CDH22: variants seen among roughly 807,000 people sequenced by gnomAD.
CDH22 encodes cadherin 22, also known as cadherin-22.
A neutral mutation model predicts 58.4 loss-of-function variants in CDH22; 30 were observed. The ratio of observed to expected loss-of-function variants is 0.51; its 90% confidence interval spans 0.38 to 0.70. The LOEUF is 0.70. Among genes scored for constraint, CDH22 ranks in the 30% least tolerant of loss-of-function variants. The pLI is 0.00. For missense variants in CDH22, 1,014 were observed against 1,233.9 expected, an observed-to-expected ratio of 0.82 and a Z score of 2.67; for synonymous variants, 513 against 558.2, an observed-to-expected ratio of 0.92 and a Z score of 1.14.
At position 46,250,919 on chromosome 20, in the gene CDH22, G is replaced by C. The variant is rs948031852; in HGVS notation, c.255+121C>G. On this transcript the variant is annotated intron_variant, in intron 2 of 11. Coordinates refer to ENST00000537909, the MANE Select transcript of CDH22 (RefSeq NM_021248.3). Reference sequence around the variant, plus strand: ...GGCCCCCTTATCAGTCCTTGGCTAGGGAGCAGAAGAGGCACATGAAACATG... The same window carrying C: ...GGCCCCCTTATCAGTCCTTGGCTAGCGAGCAGAAGAGGCACATGAAACATG... The C allele has an allele frequency of 4.7e-6, 3 of 639,716 alleles. No homozygotes were observed. In the African/African-American group the frequency reaches 5.8e-5, roughly 12 times the overall value. The allele number at this position is 639,716 out of a possible 1,614,324, so 39.6% of individuals were successfully genotyped here.
chr20:46,264,864 C>T (rs577128459), intron 1 of CDH22, among the ~76,000 whole-genome samples: 2 of 148,658 alleles, frequency 1.3e-5, no homozygotes, highest in South Asian at 4.2e-4. Context: ...CACACACACA[C>T]ACCGTGCGCA....
intron 1 of CDH22, among the ~76,000 whole-genome samples, chr20:46,297,245 C>T (rs992531069): frequency 2.6e-5 from 4 of 151,958 alleles, no homozygotes; most frequent in African/African-American, 4.8e-5. Context: ...AGTAGGGATG[C>T]GGGCTCCTTG....
intron 1 of CDH22, among the ~76,000 whole-genome samples, chr20:46,260,435 C>G (rs2086427649): frequency 6.6e-6 from 1 of 152,222 alleles, no homozygotes; most frequent in Non-Finnish European, 1.5e-5. Context: ...CTGGCTGGGT[C>G]TCCCTTTGGG....
rs33937889 is a variant in CDH22, at chr20:46,178,586, C to CTTTTTTTT, written c.1664-397_1664-390dup. On this transcript the variant is annotated intron_variant, in intron 10 of 11. Coordinates refer to ENST00000537909, the MANE Select transcript of CDH22 (RefSeq NM_021248.3). ...GCCAAGGTCCTGTCCCTGGCGTTGTCTTTTTTTTTTTTTTTTTTTTTGCCA... is the reference window on the plus strand; with the variant it reads ...GCCAAGGTCCTGTCCCTGGCGTTGTCTTTTTTTTTTTTTTTTTTTTTTTTTTTTTGCCA... 6.4e-4 allele frequency among the ~76,000 whole-genome samples: 61 copies of CTTTTTTTT among 95,324 alleles called. 2 individuals are homozygous for CTTTTTTTT. Among genetic ancestry groups the CTTTTTTTT allele is most frequent in the Non-Finnish European group, 9.1e-4 (45 of 49,380 alleles). The allele number at this position is 95,324 out of a possible 152,430, so 62.5% of individuals were successfully genotyped here.
intron 8 of CDH22, among the ~76,000 whole-genome samples, chr20:46,196,230 C>T (rs1326230295): frequency 1.3e-5 from 2 of 152,064 alleles, no homozygotes; most frequent in Non-Finnish European, 2.9e-5. Flanking sequence ...TAAGTTTGTT[C>T]CCATCTCATG....
chr20:46,231,832 C>A (rs2050113), intron 3 of CDH22, among the ~76,000 whole-genome samples: 134,282 of 152,166 alleles, frequency 0.88, 59,541 homozygotes, highest in Middle Eastern at 0.93. Flanking sequence ...TCACTCTGCA[C>A]CCTCAGTCAG....
At chr20:46,200,328 G>A (rs2085950546) in intron 7 of CDH22, among the ~76,000 whole-genome samples, 1 of 151,608 alleles carries the variant, frequency 6.6e-6, no homozygotes, top group Non-Finnish European at 1.5e-5. Flanking sequence ...TGGGTAGAGT[G>A]CAATGGTGCC....
At chr20:46,242,024 A>T (rs1397060970) in intron 2 of CDH22, among the ~76,000 whole-genome samples, 1 of 152,150 alleles carries the variant, frequency 6.6e-6, no homozygotes, top group Non-Finnish European at 1.5e-5. Context: ...TCATTTTGGT[A>T]TATGGAGAAC....
At chr20:46,284,720 A>G (rs1253572501) in intron 1 of CDH22, among the ~76,000 whole-genome samples, 1 of 152,176 alleles carries the variant, frequency 6.6e-6, no homozygotes, top group Non-Finnish European at 1.5e-5. Flanking sequence ...TCCCATCTGA[A>G]ACTGGAACCC....
At position 46,210,967 on chromosome 20, in the gene CDH22, G is replaced by A. The variant is rs2086039261; in HGVS notation, c.1033-407C>T. Among the ~76,000 whole-genome samples the A allele has an allele frequency of 6.6e-6, 1 of 152,206 alleles. No individual in the cohort carries two copies. Among genetic ancestry groups the A allele is most frequent in the South Asian group, 2.1e-4 (1 of 4,834 alleles). ...ATTCTTATGATCTGATCTTACACATGAGGAAAACGAGGCCCAGAAAGGCTC... is the reference window on the plus strand; with the variant it reads ...ATTCTTATGATCTGATCTTACACATAAGGAAAACGAGGCCCAGAAAGGCTC... On this transcript the variant is annotated intron_variant, in intron 6 of 11. Coordinates refer to ENST00000537909, the MANE Select transcript of CDH22 (RefSeq NM_021248.3). This position sits in a 1 kb window ranked among gnomAD's most constrained non-coding sequence, Gnocchi z 4.5.
intron 3 of CDH22, among the ~76,000 whole-genome samples, chr20:46,240,341 G>C (rs2086280567): frequency 6.6e-6 from 1 of 152,166 alleles, no homozygotes; most frequent in Non-Finnish European, 1.5e-5. Context: ...GGCTAGGTCA[G>C]GGTGTGAGGT....
At chr20:46,296,146 G>A (rs573026648) in intron 1 of CDH22, among the ~76,000 whole-genome samples, 8 of 152,280 alleles carry the variant, frequency 5.3e-5, no homozygotes, top group Middle Eastern at 3.4e-3. Context: ...TTCGCAGTAG[G>A]GGAGTGGCAG....
Position 46,185,130 on chromosome 20 carries a change from T to TAC in CDH22, c.1663+1456_1663+1457dup, listed in dbSNP as rs11467388. Among the ~76,000 whole-genome samples the TAC allele has an allele frequency of 5.4e-3, 797 of 148,754 alleles. 2 individuals are homozygous for TAC. The highest frequency in any genetic ancestry group is 7.9e-3 in the Non-Finnish European group (530 of 67,196). ...AAACAACAAAAAAACCCCACACGCA[T>TAC]ACACACACACACACACACACACACA... On this transcript the variant is annotated intron_variant, in intron 10 of 11. Transcript: ENST00000537909.
intron 1 of CDH22, among the ~76,000 whole-genome samples, chr20:46,293,474 A>T (rs548796605): frequency 6.6e-6 from 1 of 152,014 alleles, no homozygotes; most frequent in African/African-American, 2.4e-5. Flanking sequence ...CTGAATGTGC[A>T]GTCTCCGACC....
intron 7 of CDH22, among the ~76,000 whole-genome samples, chr20:46,209,238 A>G (rs903542406): frequency 1.3e-5 from 2 of 152,150 alleles, no homozygotes; most frequent in South Asian, 2.1e-4. Context: ...AGAGCGAACT[A>G]TGGGGGCTAT....
At chr20:46,284,064 G>C (rs2086563563) in intron 1 of CDH22, among the ~76,000 whole-genome samples, 1 of 152,108 alleles carries the variant, frequency 6.6e-6, no homozygotes, top group South Asian at 2.1e-4. Flanking sequence ...ATTTTCAGGG[G>C]AGCTCGTTAA....
chr20:46,285,958 G>C (rs2086575001), intron 1 of CDH22, among the ~76,000 whole-genome samples: 1 of 152,176 alleles, frequency 6.6e-6, no homozygotes, highest in Non-Finnish European at 1.5e-5. Flanking sequence ...GGCACGACAG[G>C]CTGTCTGTCC....
intron 3 of CDH22, among the ~76,000 whole-genome samples, chr20:46,233,304 C>A (rs969276323): frequency 6.6e-6 from 1 of 152,116 alleles, no homozygotes. Flanking sequence ...CCAGGCGACC[C>A]CTGACTGTGT....
chr20:46,262,687 G>T (rs973867919), intron 1 of CDH22, among the ~76,000 whole-genome samples: 18 of 152,124 alleles, frequency 1.2e-4, no homozygotes, highest in African/African-American at 4.1e-4. Flanking sequence ...ATGGGCCCAA[G>T]GTCACACAAC....
Sources: gnomAD v4.1 joint callset for allele counts (sites outside exome capture counted in the v4.1 genomes callset) on GRCh38, gnomAD v4.1.1 for gene constraint, Gnocchi (gnomAD v3.1) non-coding constraint, MANE v1.5 for transcripts, NCBI Gene and HGNC (gene_info 2026-07-23, HGNC 2026-07-21) for gene names.